SORCS3: variants seen among roughly 807,000 people sequenced by gnomAD.
SORCS3 encodes sortilin related VPS10 domain containing receptor 3, also known as VPS10 domain-containing receptor SorCS3.
In SORCS3, 57 loss-of-function variants were observed where a neutral mutation model predicts 146.3. The ratio of observed to expected loss-of-function variants is 0.39; its 90% CI spans 0.31 to 0.49. The LOEUF (loss-of-function observed/expected upper bound fraction) is 0.49. SORCS3 is among the 20% of genes least tolerant of loss of function. SORCS3 has a pLI of 0.92. For missense variants in SORCS3, 1,341 were observed against 1,575.5 expected (o/e 0.85, Z 2.52); for synonymous variants, 653 against 618.5 (o/e 1.06, Z -0.83).
intron 7 of SORCS3, among the ~76,000 whole-genome samples, chr10:105,132,111 C>G (rs1054056576): frequency 1.3e-5 from 2 of 152,112 alleles, no homozygotes; most frequent in Non-Finnish European, 2.9e-5. Flanking sequence ...GTCAGATAAA[C>G]TTGGGTTCAA....
At chr10:104,815,448 CAAAAAA>C (rs5787549) in intron 1 of SORCS3, among the ~76,000 whole-genome samples, 2 of 79,366 alleles carry the variant, frequency 2.5e-5, no homozygotes, top group Admixed American at 1.6e-4. Context: ...GACCCTGTCT[CAAAAAA>C]AAAAAAAAAA....
intron 7 of SORCS3, among the ~76,000 whole-genome samples, chr10:105,130,604 A>G (rs2133772076): frequency 6.6e-6 from 1 of 152,142 alleles, no homozygotes; most frequent in East Asian, 1.9e-4. Context: ...ACCCAGAGCA[A>G]TATTGGCTTC....
At chr10:105,164,568 G>A (rs2056296667) in intron 12 of SORCS3, among the ~76,000 whole-genome samples, 189 bp downstream of exon 12, 1 of 152,194 alleles carries the variant, frequency 6.6e-6, no homozygotes, top group African/African-American at 2.4e-5. Flanking sequence ...AGGGCATTGG[G>A]CAGGGAATAG....
rs376679484 is a variant in SORCS3, at chr10:104,920,496, A to G, written c.795+4564A>G. On this transcript the variant is annotated intron_variant, in intron 3 of 26. Transcript: ENST00000369701. ...CAGCTACTATCCTAAACTCCCTTTTAAGAGTTTTATCCACATGATCTCTAA... is the reference window on the plus strand; with the variant it reads ...CAGCTACTATCCTAAACTCCCTTTTGAGAGTTTTATCCACATGATCTCTAA... Among the ~76,000 whole-genome samples, 5 of 152,332 alleles carry G rather than the reference A, an allele frequency of 3.3e-5. No individual in the cohort carries two copies. In the East Asian group the frequency reaches 7.7e-4, roughly 23 times the overall value.
chr10:105,184,636 CT>C (rs538669566), intron 14 of SORCS3, among the ~76,000 whole-genome samples: 466 of 152,164 alleles, frequency 3.1e-3, no homozygotes, highest in South Asian at 4.8e-3. Flanking sequence ...TTCCTTATTT[CT>C]TTAAAAAAGT....
At chr10:105,221,667 G>C (rs544790351) in intron 19 of SORCS3, among the ~76,000 whole-genome samples, 60 of 152,252 alleles carry the variant, frequency 3.9e-4, no homozygotes, top group African/African-American at 1.4e-3. Context: ...AATTACCAGG[G>C]AAGCAAATAA....
chr10:104,946,411 T>G (rs1375082380), intron 3 of SORCS3, among the ~76,000 whole-genome samples: 2 of 152,120 alleles, frequency 1.3e-5, no homozygotes, highest in East Asian at 3.8e-4. Context: ...TTTCTCTCTT[T>G]CTCTCTGCAT....
Position 104,674,298 on chromosome 10 carries a change from C to T in SORCS3, c.627+32344C>T, listed in dbSNP as rs2015889847. On this transcript the variant is annotated intron_variant, in intron 1 of 26. Coordinates refer to ENST00000369701, the MANE Select transcript of SORCS3 (RefSeq NM_014978.3). ...AATATTCCTATCCTTGTACAGACTC[C>T]TCCCCTGGGGTGTGGACTGGACTCA... is the stretch of plus-strand genomic sequence containing the variant. Among the ~76,000 whole-genome samples the T allele has an allele frequency of 2.0e-5, 3 of 152,222 alleles. No individual in the cohort carries two copies. In the South Asian group the frequency reaches 6.2e-4, roughly 32 times the overall value.
intron 12 of SORCS3, among the ~76,000 whole-genome samples, chr10:105,165,086 A>G (rs976628182): frequency 6.6e-6 from 1 of 152,176 alleles, no homozygotes; most frequent in South Asian, 2.1e-4. Flanking sequence ...TTAAATTTAA[A>G]TACTCTCTTA....
chr10:104,994,715 C>T (rs900358328), intron 4 of SORCS3, among the ~76,000 whole-genome samples: 2 of 152,024 alleles, frequency 1.3e-5, no homozygotes, highest in Non-Finnish European at 2.9e-5. Context: ...AGTATGAACC[C>T]TTTTTTGCAC....
chr10:105,015,735 C>T lies in SORCS3; in HGVS notation c.955-27320C>T, dbSNP rs188813729. ...GAAGTAAGGTTCTACTTCTTTTTTT[C>T]TTTTTTCTTTTTGAGACACAGTCTT... On this transcript the variant is annotated intron_variant, in intron 4 of 26. Coordinates refer to ENST00000369701, the MANE Select transcript of SORCS3 (RefSeq NM_014978.3). Among the ~76,000 whole-genome samples, 133 of 151,828 alleles carry T rather than the reference C, an allele frequency of 8.8e-4. 2 individuals carry two copies. In the East Asian group the frequency reaches 0.018, roughly 21 times the overall value.
In SORCS3 at chr10:105,184,919, A is replaced by G. The variant is rs75707670; in HGVS notation, c.2009+6746A>G. Reference sequence around the variant, plus strand: ...GTTATACATCAGATTTCTAGAACTTACTCATCTTGCATAATTGGAACTTTA... The same window carrying G: ...GTTATACATCAGATTTCTAGAACTTGCTCATCTTGCATAATTGGAACTTTA... On this transcript the variant is annotated intron_variant, in intron 14 of 26. Transcript: ENST00000369701. 1.2e-4 allele frequency among the ~76,000 whole-genome samples: 18 copies of G among 152,264 alleles called. No homozygotes were observed. The East Asian group carries it at 3.5e-3, about 29-fold the overall frequency.
At chr10:104,746,834 A>G (rs1332610074) in intron 1 of SORCS3, among the ~76,000 whole-genome samples, 1 of 152,218 alleles carries the variant, frequency 6.6e-6, no homozygotes, top group African/African-American at 2.4e-5. Context: ...ATATACTTTT[A>G]AAGGACATAT....
chr10:105,194,767 G>A (rs924791121), intron 14 of SORCS3, among the ~76,000 whole-genome samples: 1 of 152,140 alleles, frequency 6.6e-6, no homozygotes, highest in Non-Finnish European at 1.5e-5. Context: ...AAAGATACAG[G>A]AAATTTCTGA....
intron 20 of SORCS3, among the ~76,000 whole-genome samples, chr10:105,242,470 ATATATT>A (rs2056833098): frequency 1.2e-5 from 1 of 86,268 alleles, no homozygotes; most frequent in Non-Finnish European, 1.9e-5. Flanking sequence ...TTATATATTT[ATATATT>A]TATATATTTA....
At chr10:104,860,263 T>C (rs1215694764) in intron 2 of SORCS3, among the ~76,000 whole-genome samples, 1 of 114,082 alleles carries the variant, frequency 8.8e-6, no homozygotes, top group Non-Finnish European at 1.9e-5. Context: ...GTTCATGTCC[T>C]TTGTAGGGAC....
chr10:104,659,383 T>G (rs1297425431), intron 1 of SORCS3, among the ~76,000 whole-genome samples: 3 of 152,202 alleles, frequency 2.0e-5, no homozygotes, highest in African/African-American at 7.2e-5. Flanking sequence ...AACTCCCACA[T>G]CAATGTCCAC....
At chr10:104,681,679 A>AT (rs1456060914) in intron 1 of SORCS3, among the ~76,000 whole-genome samples, 4 of 151,944 alleles carry the variant, frequency 2.6e-5, no homozygotes, top group Non-Finnish European at 5.9e-5. Flanking sequence ...CCCTCACCTC[A>AT]TTCCTGTCTG....
intron 1 of SORCS3, among the ~76,000 whole-genome samples, chr10:104,836,524 T>A (rs2451484): frequency 0.84 from 127,720 of 152,122 alleles, 54,091 homozygotes; most frequent in East Asian, 0.98. Context: ...GTGGATACTC[T>A]ACAAAGACAG....
Sources: allele counts gnomAD v4.1 joint callset (sites outside exome capture counted in the v4.1 genomes callset), GRCh38; gene constraint gnomAD v4.1.1; transcripts MANE v1.5; gene names NCBI Gene and HGNC (gene_info 2026-07-23, HGNC 2026-07-21).